The following HS3ST3A1 variants were observed in gnomAD, a reference collection of about 807,000 sequenced individuals.
HS3ST3A1 encodes heparan sulfate glucosamine 3-O-sulfotransferase 3A1.
HS3ST3A1 carries 19 observed loss-of-function variants against 25.7 expected under a neutral mutation model. That is an observed-to-expected ratio of 0.74 (90% confidence interval 0.52 to 1.08). The LOEUF (loss-of-function observed/expected upper bound fraction) is 1.08, where lower values mean the gene tolerates loss of function less well. HS3ST3A1 is among the 50% of genes least tolerant of loss of function. The pLI is 0.00. For missense variants in HS3ST3A1, 459 were observed against 594.3 expected (o/e 0.77, Z 2.37); for synonymous variants, 226 against 278.6 (o/e 0.81, Z 1.88).
intron 1 of HS3ST3A1, among the ~76,000 whole-genome samples, chr17:13,558,091 G>T (rs899270043): frequency 6.6e-6 from 1 of 152,142 alleles, no homozygotes; most frequent in Non-Finnish European, 1.5e-5. Context: ...AGTCCACCAA[G>T]ATTTCATTTA....
intron 1 of HS3ST3A1, among the ~76,000 whole-genome samples, chr17:13,576,833 A>G (rs150124961): frequency 8.4e-4 from 128 of 152,340 alleles, no homozygotes; most frequent in African/African-American, 2.9e-3. Flanking sequence ...GGTGCAATTA[A>G]TCACAATTTT....
chr17:13,593,233 C>CAAAAAAAAAAAAAAAA (rs5819419), intron 1 of HS3ST3A1, among the ~76,000 whole-genome samples: 9 of 103,160 alleles, frequency 8.7e-5, no homozygotes, highest in African/African-American at 1.1e-4. Flanking sequence ...TGTTTGTAGC[C>CAAAAAAAAAAAAAAAA]AAAAAAAAAA....
intron 1 of HS3ST3A1, among the ~76,000 whole-genome samples, chr17:13,552,246 A>AT (rs1907265215): frequency 1.3e-5 from 2 of 151,844 alleles, no homozygotes; most frequent in African/African-American, 2.4e-5. Context: ...CACCCTGCTA[A>AT]TTTTTTGTGT....
chr17:13,514,327 A>G (rs1245853048), intron 1 of HS3ST3A1, among the ~76,000 whole-genome samples: 1 of 152,060 alleles, frequency 6.6e-6, no homozygotes, highest in African/African-American at 2.4e-5. Flanking sequence ...TTTCCTAAGA[A>G]AGGCCTTTCT....
chr17:13,589,161 G>T (rs1446334334), intron 1 of HS3ST3A1, among the ~76,000 whole-genome samples: 1 of 152,128 alleles, frequency 6.6e-6, no homozygotes, highest in African/African-American at 2.4e-5. Flanking sequence ...GTGGGTTTTG[G>T]TTTTTAATAT....
In HS3ST3A1 at chr17:13,496,272, C is replaced by T. The variant is rs752443873; in HGVS notation, c.1146G>A (p.Arg382=). ...HPEIDREVVR[R]LREFYRPFNL... ...TGAAAGGCCGGTAGAACTCGCGCAG[C>T]CTGCGCACCACCTCGCGGTCGATCT... The change falls in exon 2 of 2, where the codon AGG becomes AGA. Residue 382 remains arginine, a synonymous_variant. Coordinates refer to ENST00000284110, the MANE Select transcript of HS3ST3A1 (RefSeq NM_006042.3). The T allele has an allele frequency of 1.3e-6, 2 of 1,540,234 alleles. No individual in the cohort carries two copies. The highest frequency in any genetic ancestry group is 4.5e-5 in the East Asian group (2 of 44,562).
intron 1 of HS3ST3A1, among the ~76,000 whole-genome samples, chr17:13,590,579 C>G (rs1908398040): frequency 6.6e-6 from 1 of 152,102 alleles, no homozygotes; most frequent in South Asian, 2.1e-4. Flanking sequence ...CCTCCAACAT[C>G]CTATCTGTTT....
At chr17:13,500,945 C>G (rs1905454735) in intron 1 of HS3ST3A1, among the ~76,000 whole-genome samples, 1 of 152,196 alleles carries the variant, frequency 6.6e-6, no homozygotes, top group Admixed American at 6.5e-5. Flanking sequence ...TTCAGAAATT[C>G]TGACATACAC....
At chr17:13,580,772 T>C (rs998746119) in intron 1 of HS3ST3A1, among the ~76,000 whole-genome samples, 1 of 152,030 alleles carries the variant, frequency 6.6e-6, no homozygotes, top group South Asian at 2.1e-4. Context: ...ATGCCTATAA[T>C]CCCAGCTACT....
chr17:13,585,438 G>T (rs1400368488), intron 1 of HS3ST3A1, among the ~76,000 whole-genome samples: 8 of 151,062 alleles, frequency 5.3e-5, no homozygotes, highest in African/African-American at 1.9e-4. Flanking sequence ...GACCTCAGGT[G>T]ATCCACCCGC....
chr17:13,593,512 G>A (rs1243490627), intron 1 of HS3ST3A1, among the ~76,000 whole-genome samples: 1 of 152,174 alleles, frequency 6.6e-6, no homozygotes, highest in East Asian at 1.9e-4. Flanking sequence ...AATCAGCTGA[G>A]GGAAAGATCA....
intron 1 of HS3ST3A1, among the ~76,000 whole-genome samples, chr17:13,551,202 A>T (rs1013515277): frequency 7.3e-5 from 11 of 151,568 alleles, no homozygotes; most frequent in African/African-American, 1.9e-4. Flanking sequence ...CAAAAAAATT[A>T]GGTGGGCGTG....
chr17:13,506,048 T>C (rs1045450675), intron 1 of HS3ST3A1, among the ~76,000 whole-genome samples: 13 of 146,984 alleles, frequency 8.8e-5, no homozygotes, highest in Non-Finnish European at 3.0e-5. Context: ...AAAAAAAAAT[T>C]GGATTTCTGT....
rs577054408 is a variant in HS3ST3A1, at chr17:13,521,460, C to T, written c.600-24642G>A. On this transcript the variant is annotated intron_variant, in intron 1 of 1. Transcript: ENST00000284110. Reference sequence around the variant, plus strand: ...TTGAGTGCTGTTGAGTTTCAATGCCCCACTAAGCTCACATAGCAACTACTG... The same window carrying T: ...TTGAGTGCTGTTGAGTTTCAATGCCTCACTAAGCTCACATAGCAACTACTG... 1.1e-4 allele frequency among the ~76,000 whole-genome samples: 17 copies of T among 152,284 alleles called. No individual in the cohort carries two copies. In the East Asian group the frequency reaches 3.1e-3, roughly 28 times the overall value.
intron 1 of HS3ST3A1, among the ~76,000 whole-genome samples, chr17:13,551,180 C>T (rs1261566581): frequency 6.6e-6 from 1 of 151,616 alleles, no homozygotes; most frequent in Non-Finnish European, 1.5e-5. Context: ...AACCCCGTCT[C>T]TATTAAAAAT....
At chr17:13,579,569 C>T (rs938167962) in intron 1 of HS3ST3A1, among the ~76,000 whole-genome samples, 14 of 151,402 alleles carry the variant, frequency 9.2e-5, no homozygotes, top group East Asian at 1.9e-4. Context: ...GGGCAGGTGG[C>T]GCATACCTGT....
intron 1 of HS3ST3A1, among the ~76,000 whole-genome samples, chr17:13,559,325 C>T (rs1352137031): frequency 6.6e-6 from 1 of 152,114 alleles, no homozygotes; most frequent in African/African-American, 2.4e-5. Context: ...TTAATGGACA[C>T]ACCTCTTCAA....
intron 1 of HS3ST3A1, among the ~76,000 whole-genome samples, chr17:13,572,599 T>C (rs1044451221): frequency 6.6e-6 from 1 of 152,178 alleles, no homozygotes; most frequent in African/African-American, 2.4e-5. Context: ...TGTAATTAAA[T>C]CTCTGGCTTC....
At chr17:13,577,178 A>G (rs963054106) in intron 1 of HS3ST3A1, among the ~76,000 whole-genome samples, 1 of 152,208 alleles carries the variant, frequency 6.6e-6, no homozygotes, top group East Asian at 1.9e-4. Flanking sequence ...ACCTTCCACC[A>G]GGTCCCTTCC....
Sources: allele counts gnomAD v4.1 joint callset (sites outside exome capture counted in the v4.1 genomes callset), GRCh38; gene constraint gnomAD v4.1.1; transcripts MANE v1.5; gene names NCBI Gene and HGNC (gene_info 2026-07-23, HGNC 2026-07-21).